The following PPAT variants were observed in gnomAD, a reference collection of about 807,000 sequenced individuals.
PPAT encodes phosphoribosyl pyrophosphate amidotransferase.
PPAT carries 20 observed loss-of-function variants against 60.2 expected under a neutral mutation model. That is an observed-to-expected ratio of 0.33 (90% CI 0.23 to 0.48). The LOEUF is 0.48. PPAT is among the 20% of genes least tolerant of loss of function. PPAT has a pLI of 0.99. For synonymous variants in PPAT, 194 were observed against 215.1 expected (o/e 0.90, Z 0.86); for missense variants, 349 against 629.6 (o/e 0.55, Z 4.77).
intron 9 of PPAT, 63 bp downstream of exon 9, chr4:56,399,116 G>T: frequency 1.4e-6 from 2 of 1,400,720 alleles, no homozygotes; most frequent in Non-Finnish European, 2.0e-6. Flanking sequence ...ACCCTGAATT[G>T]CAATTTTATG....
chr4:56,422,773 G>C (rs1159867569), intron 1 of PPAT: 1 of 152,048 alleles, frequency 6.6e-6, no homozygotes, highest in African/African-American at 2.4e-5. Context: ...AGTACTGTTG[G>C]ATCATAACTC....
At position 56,393,861 on chromosome 4, in the gene PPAT, T is replaced by C. The variant is rs1460502728; in HGVS notation, c.*1491A>G. 6.6e-6 allele frequency: 1 copy of C among 152,428 alleles called. No homozygotes were observed. 9.4% of individuals were successfully genotyped at this position (152,428 alleles called of 1,614,324 possible). A position where few individuals can be genotyped will look rare whatever the true frequency, so the allele number is the denominator to read the frequency against. On this transcript the variant is annotated 3_prime_UTR_variant, in exon 11 of 11. Coordinates refer to ENST00000264220, the MANE Select transcript of PPAT (RefSeq NM_002703.5). ...ATGTTGAGGTGGTCCCAGGGCTTTA[T>C]TCAAATGCCAATTTGCCCGTGTCAC... is the stretch of plus-strand genomic sequence containing the variant.
Position 56,435,601 on chromosome 4 carries a change from G to A in PPAT, c.-124C>T, listed in dbSNP as rs1418685199. The A allele has an allele frequency of 3.9e-6, 6 of 1,539,014 alleles. No homozygotes were observed. The African/African-American group carries it at 8.2e-5, about 21-fold the overall frequency. On this transcript the variant is annotated 5_prime_UTR_variant, in exon 1 of 11. Coordinates refer to ENST00000264220, the MANE Select transcript of PPAT (RefSeq NM_002703.5). ...CGCGACAGGCTCTTCCTTCCCGAGGGTGGCCCCAGCTACTGCGGCGGCGCG... is the reference window on the plus strand; with the variant it reads ...CGCGACAGGCTCTTCCTTCCCGAGGATGGCCCCAGCTACTGCGGCGGCGCG...
At chr4:56,417,751 A>G (rs1346217849) in intron 1 of PPAT, among the ~76,000 whole-genome samples, 1 of 151,928 alleles carries the variant, frequency 6.6e-6, no homozygotes, top group African/African-American at 2.4e-5. Context: ...TGTGCTACAC[A>G]CTCCAGCCTG....
chr4:56,427,753 C>A (rs1464385752), intron 1 of PPAT, among the ~76,000 whole-genome samples: 5 of 152,048 alleles, frequency 3.3e-5, no homozygotes, highest in Non-Finnish European at 7.4e-5. Flanking sequence ...AGTATGCCTT[C>A]CCCCTGTCAC....
chr4:56,398,048 AAAG>A (rs1321552301), intron 9 of PPAT, among the ~76,000 whole-genome samples: 1 of 131,476 alleles, frequency 7.6e-6, no homozygotes, highest in East Asian at 2.0e-4. Context: ...ATCAAGGAAA[AAAG>A]AAAAAAAGGC....
intron 5 of PPAT, among the ~76,000 whole-genome samples, 190 bp downstream of exon 5, chr4:56,402,850 G>GAAAAAAAAAAAA (rs1177644230): frequency 2.4e-5 from 1 of 41,146 alleles, no homozygotes; most frequent in African/African-American, 9.8e-5. Flanking sequence ...AAAAAAAAAG[G>GAAAAAAAAAAAA]GGGGGGACTC....
At chr4:56,402,687 G>A (rs1027370557) in intron 5 of PPAT, among the ~76,000 whole-genome samples, 1 of 151,788 alleles carries the variant, frequency 6.6e-6, no homozygotes, top group Non-Finnish European at 1.5e-5. Context: ...ATGGTGGTGT[G>A]CGCCTGTAAT....
In PPAT at chr4:56,396,427, C is replaced by T. The variant is rs1715968863; in HGVS notation, c.1357+192G>A. 2.2e-6 allele frequency: 1 copy of T among 462,702 alleles called. No homozygotes were observed. The highest frequency in any genetic ancestry group is 3.6e-6 in the Non-Finnish European group (1 of 278,024). 28.7% of individuals were successfully genotyped at this position (462,702 alleles called of 1,614,324 possible). A position where few individuals can be genotyped will look rare whatever the true frequency, so the allele number is the denominator to read the frequency against. On this transcript the variant is annotated intron_variant, in intron 10 of 10. Transcript: ENST00000264220. This position sits in a 1 kb window ranked among gnomAD's most constrained non-coding sequence, Gnocchi z 4.6. ...TCTGATCTCACCTTGGCTTAGCTCT[C>T]CAACACAAGACTCTGTGGTGTCTGC...
In PPAT at chr4:56,435,600, G is replaced by C; in HGVS notation, c.-123C>G. 6.5e-7 allele frequency: 1 copy of C among 1,538,626 alleles called. No homozygotes were observed. The highest frequency in any genetic ancestry group is 1.2e-5 in the South Asian group (1 of 82,050). On this transcript the variant is annotated 5_prime_UTR_variant, in exon 1 of 11. Coordinates refer to ENST00000264220, the MANE Select transcript of PPAT (RefSeq NM_002703.5). ...TCGCGACAGGCTCTTCCTTCCCGAGGGTGGCCCCAGCTACTGCGGCGGCGC... is the reference window on the plus strand; with the variant it reads ...TCGCGACAGGCTCTTCCTTCCCGAGCGTGGCCCCAGCTACTGCGGCGGCGC...
Position 56,435,409 on chromosome 4 carries a change from C to A in PPAT, c.69G>T (p.Trp23Cys). 1 of 1,613,906 alleles carries A rather than the reference C, an allele frequency of 6.2e-7. No individual in the cohort carries two copies. Among genetic ancestry groups the A allele is most frequent in the Non-Finnish European group, 8.5e-7 (1 of 1,179,850 alleles). The change falls in exon 1 of 11, where the codon TGG (tryptophan) becomes TGT (cysteine). Residue 23 changes from tryptophan to cysteine, a missense_variant. Transcript: ENST00000264220. ...GVFGCIASGE[W>C]PTQLDVPHVI... ...CATGCGGTACATCCAGCTGCGTGGGCCACTCTCCTGAGGCGATGCACCCGA... is the reference window on the plus strand; with the variant it reads ...CATGCGGTACATCCAGCTGCGTGGGACACTCTCCTGAGGCGATGCACCCGA...
chr4:56,410,914 A>T, intron 1 of PPAT: 1 of 977,758 alleles, frequency 1.0e-6, no homozygotes, highest in Non-Finnish European at 1.2e-6. Flanking sequence ...AAAAAAAAAA[A>T]AAAAAAAAAA....
At chr4:56,423,668 T>G (rs1338735927) in intron 1 of PPAT, among the ~76,000 whole-genome samples, 4 of 151,966 alleles carry the variant, frequency 2.6e-5, no homozygotes, top group Non-Finnish European at 5.9e-5. Flanking sequence ...AGTTTTTTTT[T>G]TTGTTTGGCA....
intron 8 of PPAT, 91 bp from the exon 9 acceptor site, chr4:56,399,491 G>T: frequency 1.0e-6 from 1 of 987,172 alleles, no homozygotes; most frequent in East Asian, 2.6e-5. Context: ...CAATATTCAA[G>T]TAAAATTTCA....
chr4:56,417,077 G>C (rs1223507263), intron 1 of PPAT, among the ~76,000 whole-genome samples: 1 of 152,124 alleles, frequency 6.6e-6, no homozygotes, highest in African/African-American at 2.4e-5. Flanking sequence ...TAGAACTCTC[G>C]ACCTCTGGTG....
chr4:56,396,683 G>A lies in PPAT; in HGVS notation c.1293C>T (p.Asn431=), dbSNP rs1474621006. The change falls in exon 10 of 11, where the codon AAC becomes AAT. Residue 431 remains asparagine (N), a synonymous_variant. Coordinates refer to ENST00000264220, the MANE Select transcript of PPAT (RefSeq NM_002703.5). This position sits in a 1 kb window ranked among gnomAD's most constrained non-coding sequence, Gnocchi z 4.6. The part of the protein sequence containing the change: ...PIKYPCFMGI[N]IPTKEELIAN... ...CAATGAGCTCTTCTTTTGTAGGAAT[G>A]TTTATTCCCATGAAGCATGGATATT... 23 of 1,609,690 alleles carry A rather than the reference G, an allele frequency of 1.4e-5. No homozygotes were observed. The highest frequency in any genetic ancestry group is 1.9e-5 in the Non-Finnish European group (22 of 1,176,618).
rs988673007 is a variant in PPAT, at chr4:56,393,703, C to G, written c.*1649G>C. ...AACTACAGAAAACGCAAAGTAAAATCAGAGATTTTGGTTTAGTACTTTCCC... is the reference window on the plus strand; with the variant it reads ...AACTACAGAAAACGCAAAGTAAAATGAGAGATTTTGGTTTAGTACTTTCCC... On this transcript the variant is annotated 3_prime_UTR_variant, in exon 11 of 11. Coordinates refer to ENST00000264220, the MANE Select transcript of PPAT (RefSeq NM_002703.5). The G allele has an allele frequency of 1.3e-5, 2 of 152,574 alleles. No individual in the cohort carries two copies. Among genetic ancestry groups the G allele is most frequent in the African/African-American group, 4.8e-5 (2 of 41,438 alleles). The allele number at this position is 152,574 out of a possible 1,614,324, so 9.5% of individuals were successfully genotyped here.
intron 1 of PPAT, chr4:56,410,940 T>G: frequency 1.0e-6 from 1 of 972,722 alleles, no homozygotes; most frequent in Non-Finnish European, 1.2e-6. Context: ...AAAAGTACTC[T>G]TGTTTTTCTT....
chr4:56,403,019 A>T (rs771402765), intron 5 of PPAT, 21 bp downstream of exon 5: 1 of 1,571,148 alleles, frequency 6.4e-7, no homozygotes, highest in Non-Finnish European at 8.6e-7. Flanking sequence ...ATGAAATGAT[A>T]TTCCTTCTAA....
Sources: allele counts gnomAD v4.1 joint callset (sites outside exome capture counted in the v4.1 genomes callset), GRCh38; gene constraint gnomAD v4.1.1; non-coding constraint Gnocchi (gnomAD v3.1); transcripts MANE v1.5; gene names NCBI Gene and HGNC (gene_info 2026-07-23, HGNC 2026-07-21).